Variants in GABBR1 observed in about 807,000 individuals in gnomAD.
GABBR1 encodes the protein GABA-B receptor, R1 subunit.
GABBR1 carries 35 observed loss-of-function variants against 117.7 expected under a neutral mutation model. The observed-to-expected ratio is 0.30, with a 90% CI of 0.23 to 0.39. The LOEUF (loss-of-function observed/expected upper bound fraction) is 0.39. Among genes scored for constraint, GABBR1 ranks in the 10% least tolerant of loss-of-function variants. GABBR1 has a pLI of 1.00. For synonymous variants in GABBR1, 442 were observed against 486.6 expected, an observed-to-expected ratio of 0.91 and a Z score of 1.21; for missense variants, 709 against 1,241.8, an observed-to-expected ratio of 0.57 and a Z score of 6.45.
chr6:29,608,455 A>G, intron 16 of GABBR1, 146 bp downstream of exon 16: 1 of 792,626 alleles, frequency 1.3e-6, no homozygotes, highest in Non-Finnish European at 2.0e-6. Flanking sequence ...AACAGAGAAC[A>G]GAGGGGTGAT....
At chr6:29,615,378 A>G (rs1019477249) in intron 11 of GABBR1, among the ~76,000 whole-genome samples, 5 of 152,124 alleles carry the variant, frequency 3.3e-5, no homozygotes, top group African/African-American at 1.2e-4. Context: ...TGGGAGGCCA[A>G]GGAGGGTGGA....
chr6:29,628,139 G>C (rs1454622064), intron 5 of GABBR1: 1 of 493,112 alleles, frequency 2.0e-6, no homozygotes, highest in Non-Finnish European at 2.6e-6. Flanking sequence ...GCAGGAAGGG[G>C]GCGGGGAGGG....
chr6:29,605,991 C>A lies in GABBR1; in HGVS notation c.2312-295G>T, dbSNP rs149787894. On this transcript the variant is annotated intron_variant, in intron 19 of 22. Transcript: ENST00000377034. The surrounding 1 kb of genome is among the most constrained non-coding windows in gnomAD (Gnocchi z 4.2). ...TAGAAATAGGCCAGTCTGGGCCACACATGCCTCACCCTTACCCTACAGGTG... is the reference window on the plus strand; with the variant it reads ...TAGAAATAGGCCAGTCTGGGCCACAAATGCCTCACCCTTACCCTACAGGTG... The A allele has an allele frequency of 1.4e-4, 77 of 546,062 alleles. No individual in the cohort carries two copies. The East Asian group carries it at 2.3e-3, about 17-fold the overall frequency. 33.8% of individuals were successfully genotyped at this position (546,062 alleles called of 1,614,324 possible). A position where few individuals can be genotyped will look rare whatever the true frequency, so the allele number is the denominator to read the frequency against.
At chr6:29,629,132 A>G (rs55644636) in intron 4 of GABBR1, 25 bp from the exon 5 acceptor site, 171 of 1,612,964 alleles carry the variant, frequency 1.1e-4, no homozygotes, top group Middle Eastern at 6.6e-4. Flanking sequence ...GACGGGGATC[A>G]GAGAAGAGTT....
At position 29,632,197 on chromosome 6, in the gene GABBR1, G is replaced by A. The variant is rs1765054271; in HGVS notation, c.85+104C>T. 1.5e-6 allele frequency: 1 copy of A among 679,930 alleles called. No homozygotes were observed. Among genetic ancestry groups the A allele is most frequent in the Non-Finnish European group, 2.3e-6 (1 of 439,680 alleles). 42.1% of individuals were successfully genotyped at this position (679,930 alleles called of 1,614,324 possible). On this transcript the variant is annotated intron_variant, in intron 2 of 22. Coordinates refer to ENST00000377034, the MANE Select transcript of GABBR1 (RefSeq NM_001470.4). The surrounding 1 kb of genome is among the most constrained non-coding windows in gnomAD (Gnocchi z 5.8). ...GCAGAAGGGGTTGCCAGACCGGGAT[G>A]ATATGTGGGACTGATGGGATAGTGA...
At position 29,604,732 on chromosome 6, in the gene GABBR1, G is replaced by C; in HGVS notation, c.2569-95C>G. On this transcript the variant is annotated intron_variant, in intron 21 of 22. Transcript: ENST00000377034. This position sits in a 1 kb window ranked among gnomAD's most constrained non-coding sequence, Gnocchi z 5.3. ...GGAGGTGGAAGGAATGCTGATAAGA[G>C]TTGGGCCCAAAACAAGGGGAGGAGT... 1.3e-6 allele frequency: 2 copies of C among 1,598,498 alleles called. No homozygotes were observed. Among genetic ancestry groups the C allele is most frequent in the Non-Finnish European group, 8.6e-7 (1 of 1,169,534 alleles).
chr6:29,610,817 A>G, intron 14 of GABBR1, 107 bp downstream of exon 14: 1 of 959,956 alleles, frequency 1.0e-6, no homozygotes, highest in South Asian at 1.5e-5. Context: ...GCTGCCAGCC[A>G]CATTCCAACC....
In GABBR1 at chr6:29,602,505, T is replaced by TGC; in HGVS notation, c.*1037_*1038insGC. The stretch of plus-strand genomic sequence containing the variant: ...GATGATTGTGAGTGTAGACTGAGGG[T>TGC]AGTACATGAATGCAATGGAGATGGG... On this transcript the variant is annotated 3_prime_UTR_variant, in exon 23 of 23. Transcript: ENST00000377034. 1 of 158,926 alleles carries TGC rather than the reference T, an allele frequency of 6.3e-6. No individual in the cohort carries two copies. Among genetic ancestry groups the TGC allele is most frequent in the South Asian group, 1.8e-4 (1 of 5,676 alleles). The allele number at this position is 158,926 out of a possible 1,614,324, so 9.8% of individuals were successfully genotyped here.
At chr6:29,619,035 G>A (rs28359977) in intron 11 of GABBR1, among the ~76,000 whole-genome samples, 14,901 of 152,196 alleles carry the variant, frequency 0.098, 858 homozygotes, top group Middle Eastern at 0.21. Context: ...CATCCCCAGG[G>A]ACTTGCTAGA....
chr6:29,604,664 T>C lies in GABBR1; in HGVS notation c.2569-27A>G. 1 of 1,612,956 alleles carries C rather than the reference T, an allele frequency of 6.2e-7. No individual in the cohort carries two copies. Among genetic ancestry groups the C allele is most frequent in the Non-Finnish European group, 8.5e-7 (1 of 1,179,978 alleles). On this transcript the variant is annotated intron_variant, in intron 21 of 22. Coordinates refer to ENST00000377034, the MANE Select transcript of GABBR1 (RefSeq NM_001470.4). This position sits in a 1 kb window ranked among gnomAD's most constrained non-coding sequence, Gnocchi z 5.3. ...TGGGGGCAAATGTTTGGGCGTGGGGTGGCCCAGCAAGGACTGTACTAGTGA... is the reference window on the plus strand; with the variant it reads ...TGGGGGCAAATGTTTGGGCGTGGGGCGGCCCAGCAAGGACTGTACTAGTGA...
rs1218373060 is a variant in GABBR1, at chr6:29,603,593, G to A, written c.2836C>T (p.Pro946Ser). The A allele has an allele frequency of 1.3e-6, 2 of 1,587,986 alleles. No individual in the cohort carries two copies. The highest frequency in any genetic ancestry group is 1.7e-6 in the Non-Finnish European group (2 of 1,168,862). Residue 946 changes from proline (P) to serine (S), a missense_variant, in exon 23 of 23, where the codon CCC becomes TCC. This residue lies in a region of GABBR1 where 69 missense variants were observed against 64.3 expected (regional missense o/e 1.07). Coordinates refer to ENST00000377034, the MANE Select transcript of GABBR1 (RefSeq NM_001470.4). ...GGLPRGPPEPPDRLSCDGSRV... is the reference protein window; with the variant it reads ...GGLPRGPPEPSDRLSCDGSRV... ...CTCCCATCACAGCTAAGCCGGTCGG[G>A]GGGCTCAGGGGGTCCCCTGGGCAGG...
Position 29,627,705 on chromosome 6 carries a change from G to A in GABBR1, c.497-59C>T. 1 of 1,527,822 alleles carries A rather than the reference G, an allele frequency of 6.5e-7. No individual in the cohort carries two copies. The highest frequency in any genetic ancestry group is 2.5e-5 in the East Asian group (1 of 40,516). The allele number at this position is 1,527,822 out of a possible 1,614,324, so 94.6% of individuals were successfully genotyped here. A position where few individuals can be genotyped will look rare whatever the true frequency, so the allele number is the denominator to read the frequency against. ...GCCGCGGGAGATGGGGGGAGTGGGAGGCCCACACCGGAGCCACCCCTGCCG... is the reference window on the plus strand; with the variant it reads ...GCCGCGGGAGATGGGGGGAGTGGGAAGCCCACACCGGAGCCACCCCTGCCG... On this transcript the variant is annotated intron_variant, in intron 5 of 22. Coordinates refer to ENST00000377034, the MANE Select transcript of GABBR1 (RefSeq NM_001470.4). The surrounding 1 kb of genome is among the most constrained non-coding windows in gnomAD (Gnocchi z 4.4).
Position 29,631,915 on chromosome 6 carries a change from A to C in GABBR1, c.86-316T>G, listed in dbSNP as rs1461731458. Among the ~76,000 whole-genome samples, 2 of 110,920 alleles carry C rather than the reference A, an allele frequency of 1.8e-5. No individual in the cohort carries two copies. Among genetic ancestry groups the C allele is most frequent in the Non-Finnish European group, 3.9e-5 (2 of 51,188 alleles). 72.8% of individuals were successfully genotyped at this position (110,920 alleles called of 152,430 possible). On this transcript the variant is annotated intron_variant, in intron 2 of 22. Transcript: ENST00000377034. The surrounding 1 kb of genome is among the most constrained non-coding windows in gnomAD (Gnocchi z 5.9). ...GATATGTGGGTGGAGCTTTTCTTTA[A>C]AAAAAAAGGCTAAATGAGGATATTC...
rs1762315926 is a variant in GABBR1 at position 29,609,521 on chromosome 6, C to G, written c.1709-142G>C. 1.4e-6 allele frequency: 1 copy of G among 698,562 alleles called. No individual in the cohort carries two copies. Among genetic ancestry groups the G allele is most frequent in the African/African-American group, 1.8e-5 (1 of 56,108 alleles). The allele number at this position is 698,562 out of a possible 1,614,324, so 43.3% of individuals were successfully genotyped here. On this transcript the variant is annotated intron_variant, in intron 14 of 22. Transcript: ENST00000377034. The surrounding 1 kb of genome is among the most constrained non-coding windows in gnomAD (Gnocchi z 4.3). ...ATTGGCTGGGGACATGAGGCCCTAA[C>G]TGCACTGGACAGAGGTTACTGCAGG... is the stretch of plus-strand genomic sequence containing the variant.
rs780155570 is a variant in GABBR1 at position 29,613,374 on chromosome 6, G to T, written c.1435C>A (p.Leu479Met). 6.2e-7 allele frequency: 1 copy of T among 1,613,150 alleles called. No homozygotes were observed. The highest frequency in any genetic ancestry group is 1.3e-5 in the African/African-American group (1 of 75,082). ...CCTCCAGATGTCTTGTTCAGGGCCAGTGCCAAGGCCCAGATGGCATCATAG... is the reference window on the plus strand; with the variant it reads ...CCTCCAGATGTCTTGTTCAGGGCCATTGCCAAGGCCCAGATGGCATCATAG... ...LAYDAIWALALALNKTSGGGG... is the reference protein window; with the variant it reads ...LAYDAIWALAMALNKTSGGGG... The change falls in exon 12 of 23, where the codon CTG (leucine) becomes ATG (methionine). Residue 479 changes from leucine (L) to methionine (M), a missense_variant. By Grantham distance (15) the Leu-to-Met change is conservative (BLOSUM62 2). This residue lies in a region of GABBR1 where 1 missense variants were observed against 16.1 expected (regional missense o/e 0.06). Transcript: ENST00000377034. This position sits in a 1 kb window ranked among gnomAD's most constrained non-coding sequence, Gnocchi z 4.1.
intron 5 of GABBR1, chr6:29,628,081 GGCGGCGCGCGGCA>G (rs1287565906): frequency 1.2e-6 from 1 of 843,124 alleles, no homozygotes; most frequent in Non-Finnish European, 1.4e-6. Flanking sequence ...TGACGTCACG[GGCGGCGCGCGGCA>G]GCGGGGGGTG....
chr6:29,610,760 G>A (rs1263260358), intron 14 of GABBR1, among the ~76,000 whole-genome samples, 164 bp downstream of exon 14: 2 of 151,720 alleles, frequency 1.3e-5, no homozygotes, highest in Non-Finnish European at 2.9e-5. Context: ...CCCTACCCAC[G>A]CCTTAGGGGT....
chr6:29,603,424 A>T lies in GABBR1; in HGVS notation c.*119T>A. 1 of 850,464 alleles carries T rather than the reference A, an allele frequency of 1.2e-6. No individual in the cohort carries two copies. Among genetic ancestry groups the T allele is most frequent in the Non-Finnish European group, 2.0e-6 (1 of 507,228 alleles). The allele number at this position is 850,464 out of a possible 1,614,324, so 52.7% of individuals were successfully genotyped here. A position where few individuals can be genotyped will look rare whatever the true frequency, so the allele number is the denominator to read the frequency against. The stretch of plus-strand genomic sequence containing the variant: ...ACAGGGGGACATGTATTTACAAGAG[A>T]TGAGATTGGATAGCATGTTCTTCCC... On this transcript the variant is annotated 3_prime_UTR_variant, in exon 23 of 23. Coordinates refer to ENST00000377034, the MANE Select transcript of GABBR1 (RefSeq NM_001470.4).
Position 29,623,231 on chromosome 6 carries a change from G to C in GABBR1, c.963+74C>G. 7.3e-7 allele frequency: 1 copy of C among 1,362,466 alleles called. No individual in the cohort carries two copies. The highest frequency in any genetic ancestry group is 1.0e-6 in the Non-Finnish European group (1 of 982,332). 84.4% of individuals were successfully genotyped at this position (1,362,466 alleles called of 1,614,324 possible). On this transcript the variant is annotated intron_variant, in intron 8 of 22. Transcript: ENST00000377034. This position sits in a 1 kb window ranked among gnomAD's most constrained non-coding sequence, Gnocchi z 6.2. ...GAATCAAGTTCTTGCCCCTAAAAGT[G>C]ACTCTCACGTCACATCTCCTGGTGC...
Sources: allele counts gnomAD v4.1 joint callset (sites outside exome capture counted in the v4.1 genomes callset), GRCh38; gene constraint gnomAD v4.1.1; regional missense constraint gnomAD v4.1.1; non-coding constraint Gnocchi (gnomAD v3.1); transcripts MANE v1.5; gene names NCBI Gene and HGNC (gene_info 2026-07-23, HGNC 2026-07-21).